PRR5L: variants seen among roughly 807,000 people sequenced by gnomAD.
The protein encoded by PRR5L is proline rich 5 like, also known as proline-rich protein 5-like.
A neutral mutation model predicts 36.4 loss-of-function variants in PRR5L; 21 were observed. The ratio of observed to expected loss-of-function variants is 0.58; its 90% CI spans 0.41 to 0.83. The LOEUF (loss-of-function observed/expected upper bound fraction) is 0.83. PRR5L is among the 40% of genes least tolerant of loss of function. The probability of loss-of-function intolerance (pLI) is 0.00; values close to 1 mark genes in which losing one functional copy is unlikely to be tolerated. For missense variants in PRR5L, 381 were observed against 473.3 expected (o/e 0.80, Z 1.81); for synonymous variants, 188 against 197.0 (o/e 0.95, Z 0.38).
chr11:36,461,936 T>C (rs1308326146), intron 8 of PRR5L, among the ~76,000 whole-genome samples: 1 of 152,196 alleles, frequency 6.6e-6, no homozygotes, highest in African/African-American at 2.4e-5. Context: ...CCTGTTGGCA[T>C]GGGAGAGGCC....
chr11:36,342,863 T>C (rs918452465), intron 1 of PRR5L, among the ~76,000 whole-genome samples: 2 of 152,224 alleles, frequency 1.3e-5, no homozygotes, highest in African/African-American at 4.8e-5. Context: ...TTTTTTCTCA[T>C]AGTCTCTCCT....
At chr11:36,343,987 C>T (rs1366189792) in intron 1 of PRR5L, among the ~76,000 whole-genome samples, 1 of 151,566 alleles carries the variant, frequency 6.6e-6, no homozygotes, top group Non-Finnish European at 1.5e-5. Flanking sequence ...GAGGCCGAGG[C>T]GGGTGGATCA....
At chr11:36,407,190 C>T (rs752546263) in intron 3 of PRR5L, among the ~76,000 whole-genome samples, 2 of 152,038 alleles carry the variant, frequency 1.3e-5, no homozygotes, top group Non-Finnish European at 2.9e-5. Flanking sequence ...ATGAATAGTG[C>T]TGTGTATAAC....
intron 4 of PRR5L, among the ~76,000 whole-genome samples, chr11:36,430,804 A>C (rs148918861): frequency 1.3e-5 from 2 of 152,332 alleles, no homozygotes; most frequent in Non-Finnish European, 2.9e-5. Context: ...ACAAAATCGC[A>C]CAGCTAGAAT....
chr11:36,455,369 G>C (rs556230594), intron 8 of PRR5L: 1 of 152,988 alleles, frequency 6.5e-6, no homozygotes, highest in Non-Finnish European at 1.5e-5. Context: ...CTCTCTGGGG[G>C]TTTGAAAGGA....
chr11:36,335,452 A>C (rs1423046063), intron 1 of PRR5L, among the ~76,000 whole-genome samples: 2 of 152,076 alleles, frequency 1.3e-5, no homozygotes, highest in Non-Finnish European at 1.5e-5. Flanking sequence ...AAATGAGTAA[A>C]GTTTGTGGAA....
At position 36,388,694 on chromosome 11, in the gene PRR5L, C is replaced by CTTTTTTTTTTTTTTTTTTTTTTTTTT. The variant is rs1252535250; in HGVS notation, c.-125-12300_-125-12299insTTTTTTTTTTTTTTTTTTTTTTTTTT. On this transcript the variant is annotated intron_variant, in intron 1 of 8. Transcript: ENST00000530639. ...TTCTTTCATTCAAGGTCGGCTCTTT[C>CTTTTTTTTTTTTTTTTTTTTTTTTTT]TTTCTTTTTTTTTTTTTTTTTTGAG... Among the ~76,000 whole-genome samples, 8 of 112,790 alleles carry CTTTTTTTTTTTTTTTTTTTTTTTTTT rather than the reference C, an allele frequency of 7.1e-5. 4 individuals are homozygous for CTTTTTTTTTTTTTTTTTTTTTTTTTT. The highest frequency in any genetic ancestry group is 1.0e-4 in the Non-Finnish European group (6 of 58,124). 74.0% of individuals were successfully genotyped at this position (112,790 alleles called of 152,430 possible).
chr11:36,456,877 C>A (rs566309069), intron 8 of PRR5L, among the ~76,000 whole-genome samples: 1 of 152,334 alleles, frequency 6.6e-6, no homozygotes, highest in East Asian at 1.9e-4. Flanking sequence ...ATTTATGTTT[C>A]TTTTCTTCTC....
chr11:36,331,462 A>T (rs1446670), intron 1 of PRR5L, among the ~76,000 whole-genome samples: 129,274 of 151,980 alleles, frequency 0.85, 55,164 homozygotes, highest in East Asian at 0.99. Flanking sequence ...TCTTAAATAA[A>T]CAAAAACATG....
intron 1 of PRR5L, among the ~76,000 whole-genome samples, chr11:36,395,734 T>C (rs1406772575): frequency 6.6e-6 from 1 of 152,164 alleles, no homozygotes; most frequent in Non-Finnish European, 1.5e-5. Flanking sequence ...GTTATTTTTT[T>C]TAATAGAAAC....
intron 1 of PRR5L, among the ~76,000 whole-genome samples, chr11:36,349,639 T>A (rs1247397065): frequency 6.6e-6 from 1 of 152,164 alleles, no homozygotes; most frequent in Non-Finnish European, 1.5e-5. Context: ...TCACAGTGTG[T>A]TTGAGGCACA....
chr11:36,359,985 C>T (rs11033571), intron 1 of PRR5L, among the ~76,000 whole-genome samples: 3,220 of 151,480 alleles, frequency 0.021, 65 homozygotes, highest in East Asian at 0.082. Flanking sequence ...TGCAGTGAGC[C>T]GAGATCATGC....
Position 36,376,172 on chromosome 11 carries a change from C to A in PRR5L, c.-125-24825C>A, listed in dbSNP as rs554775348. ...GTTGAACTGGATGTAAGTGCAGGGC[C>A]CCCCTCTCCGCTCTCCCCAGCAGGG... On this transcript the variant is annotated intron_variant, in intron 1 of 8. Transcript: ENST00000530639. 38 of 1,304,588 alleles carry A rather than the reference C, an allele frequency of 2.9e-5. No homozygotes were observed. In the South Asian group the frequency reaches 3.8e-4, roughly 13 times the overall value. The allele number at this position is 1,304,588 out of a possible 1,614,324, so 80.8% of individuals were successfully genotyped here.
At chr11:36,325,382 G>A (rs1441606141) in intron 1 of PRR5L, among the ~76,000 whole-genome samples, 2 of 152,258 alleles carry the variant, frequency 1.3e-5, no homozygotes, top group Non-Finnish European at 1.5e-5. Context: ...AGTGGTGGAC[G>A]GGGAGCGAAA....
chr11:36,407,918 G>C (rs1469050942), intron 3 of PRR5L, among the ~76,000 whole-genome samples: 1 of 152,186 alleles, frequency 6.6e-6, no homozygotes, highest in Non-Finnish European at 1.5e-5. Flanking sequence ...ACTTGGGACT[G>C]AGGATGGTCA....
At chr11:36,392,954 C>A (rs567336583) in intron 1 of PRR5L, among the ~76,000 whole-genome samples, 1 of 152,272 alleles carries the variant, frequency 6.6e-6, no homozygotes, top group East Asian at 1.9e-4. Context: ...TTTTCATATA[C>A]CTGTTTGCCA....
chr11:36,343,716 C>T (rs1028125287), intron 1 of PRR5L, among the ~76,000 whole-genome samples: 3 of 152,116 alleles, frequency 2.0e-5, no homozygotes, highest in South Asian at 2.1e-4. Flanking sequence ...ACTAAGTATA[C>T]GTACATAAGG....
chr11:36,396,540 A>G (rs150159268), intron 1 of PRR5L, among the ~76,000 whole-genome samples: 1 of 152,340 alleles, frequency 6.6e-6, no homozygotes, highest in African/African-American at 2.4e-5. Flanking sequence ...CACTGCTATC[A>G]TGGCTTGGCA....
chr11:36,334,025 G>A lies in PRR5L; in HGVS notation c.-126+37587G>A, dbSNP rs888913457. On this transcript the variant is annotated intron_variant, in intron 1 of 8. Transcript: ENST00000530639. Reference sequence around the variant, plus strand: ...GGCTTCATCCTCATGGTCCAAGATGGGTAGCATCTGGTTTCCAGGCTGCAC... The same window carrying A: ...GGCTTCATCCTCATGGTCCAAGATGAGTAGCATCTGGTTTCCAGGCTGCAC... Among the ~76,000 whole-genome samples the A allele has an allele frequency of 1.2e-3, 145 of 123,924 alleles. 1 individual carries two copies. The highest frequency in any genetic ancestry group is 6.2e-3 in the African/African-American group (140 of 22,408). The allele number at this position is 123,924 out of a possible 152,430, so 81.3% of individuals were successfully genotyped here.
Sources: gnomAD v4.1 joint callset for allele counts (sites outside exome capture counted in the v4.1 genomes callset) on GRCh38, gnomAD v4.1.1 for gene constraint, MANE v1.5 for transcripts, NCBI Gene and HGNC (gene_info 2026-07-23, HGNC 2026-07-21) for gene names.